The following WDFY4 variants were observed in gnomAD, a reference collection of about 807,000 sequenced individuals.
WDFY4 encodes the protein WDFY family member 4.
A neutral mutation model predicts 351.9 loss-of-function variants in WDFY4; 169 were observed. The observed-to-expected ratio is 0.48, with a 90% CI of 0.42 to 0.55. The LOEUF (loss-of-function observed/expected upper bound fraction) is 0.55. Among genes scored for constraint, WDFY4 ranks in the 20% least tolerant of loss-of-function variants. The probability of loss-of-function intolerance (pLI) is 0.00; values close to 1 mark genes in which losing one functional copy is unlikely to be tolerated. For synonymous variants in WDFY4, 1,622 were observed against 1,574.6 expected, an observed-to-expected ratio of 1.03 and a Z score of -0.71; for missense variants, 3,803 against 3,935.6, an observed-to-expected ratio of 0.97 and a Z score of 0.90.
At chr10:48,948,922 G>T (rs1226347814) in intron 51 of WDFY4, among the ~76,000 whole-genome samples, 1 of 152,240 alleles carries the variant, frequency 6.6e-6, no homozygotes, top group African/African-American at 2.4e-5. Context: ...GACCTAACAG[G>T]TGTGTTGTGA....
intron 58 of WDFY4, among the ~76,000 whole-genome samples, chr10:48,975,481 C>T (rs963282511): frequency 1.5e-4 from 23 of 152,158 alleles, no homozygotes; most frequent in African/African-American, 5.3e-4. Context: ...GAAATTTCTT[C>T]CAGACTGAAG....
At chr10:48,806,620 T>C (rs1214541441) in intron 27 of WDFY4, among the ~76,000 whole-genome samples, 3 of 152,218 alleles carry the variant, frequency 2.0e-5, no homozygotes, top group Non-Finnish European at 1.5e-5. Context: ...TGAATAGATT[T>C]GTAGTTTGTT....
rs1377354742 is a variant in WDFY4, at chr10:48,796,282, G to T, written c.4258-16G>T. ...GATGCATTCATGAGGAAACTGCTTT[G>T]TGTTAACCTTTTCAGATAATGGCGT... On this transcript the variant is annotated splice_polypyrimidine_tract_variant and intron_variant, in intron 23 of 61. Coordinates refer to ENST00000325239, the MANE Select transcript of WDFY4 (RefSeq NM_001394531.1). 5 of 1,550,494 alleles carry T rather than the reference G, an allele frequency of 3.2e-6. No individual in the cohort carries two copies. In the East Asian group the frequency reaches 1.2e-4, roughly 38 times the overall value.
chr10:48,966,619 C>A lies in WDFY4; in HGVS notation c.8530C>A (p.Gln2844Lys). 1 of 1,551,938 alleles carries A rather than the reference C, an allele frequency of 6.4e-7. No homozygotes were observed. The highest frequency in any genetic ancestry group is 1.4e-5 in the African/African-American group (1 of 73,182). The change falls in exon 55 of 62, where the codon CAG (glutamine) becomes AAG (lysine). Residue 2844 changes from glutamine to lysine, a missense_variant. By Grantham distance (53) the Gln-to-Lys change is moderately conservative. Coordinates refer to ENST00000325239, the MANE Select transcript of WDFY4 (RefSeq NM_001394531.1). Reference sequence around the variant, plus strand: ...CCCCGTGAGCCTGCCTGGCCACCCACAGCCCTTTTTCTACAGCCTGCAGTC... The same window carrying A: ...CCCCGTGAGCCTGCCTGGCCACCCAAAGCCCTTTTTCTACAGCCTGCAGTC... ...STPVSLPGHP[Q>K]PFFYSLQSLR... is the part of the protein sequence containing the mutation.
At chr10:48,831,368 T>C (rs1444487547) in intron 38 of WDFY4, among the ~76,000 whole-genome samples, 1 of 152,256 alleles carries the variant, frequency 6.6e-6, no homozygotes, top group African/African-American at 2.4e-5. Context: ...TAGTATTTGG[T>C]ACTAATAAAC....
chr10:48,923,869 G>A (rs551302953), intron 47 of WDFY4, among the ~76,000 whole-genome samples: 1 of 152,344 alleles, frequency 6.6e-6, no homozygotes, highest in Admixed American at 6.5e-5. Context: ...GCATGGCTTA[G>A]AGAGAATCCT....
chr10:48,941,297 A>T (rs3892150), intron 47 of WDFY4, among the ~76,000 whole-genome samples: 36 of 152,224 alleles, frequency 2.4e-4, no homozygotes, highest in Non-Finnish European at 5.0e-4. Flanking sequence ...AACAAAAAAA[A>T]CTATGTAGGC....
In WDFY4 at chr10:48,820,238, T is replaced by C. The variant is rs116028694; in HGVS notation, c.5510T>C (p.Val1837Ala). Reference sequence around the variant, plus strand: ...TGGGGTTCTCTTGTCTTTGAGGGGGTTGGGGCTGAGTCCACCCGGAACACC... The same window carrying C: ...TGGGGTTCTCTTGTCTTTGAGGGGGCTGGGGCTGAGTCCACCCGGAACACC... ...AAFPLGAQKGVGAESTRNTSS... is the reference protein window; with the variant it reads ...AAFPLGAQKGAGAESTRNTSS... The change falls in exon 33 of 62, where the codon GTT becomes GCT. Residue 1837 changes from valine (V) to alanine (A), a missense_variant. Val to Ala is a moderately conservative substitution (Grantham distance 64). Coordinates refer to ENST00000325239, the MANE Select transcript of WDFY4 (RefSeq NM_001394531.1). 2,383 of 1,550,794 alleles carry C rather than the reference T, an allele frequency of 1.5e-3. 34 individuals carry two copies. The African/African-American group carries it at 0.028, about 18-fold the overall frequency.
intron 23 of WDFY4, among the ~76,000 whole-genome samples, chr10:48,791,462 A>C (rs2066676889): frequency 6.6e-6 from 1 of 152,246 alleles, no homozygotes; most frequent in Non-Finnish European, 1.5e-5. Context: ...TTTGTGCGTC[A>C]GTTCCCTCAT....
At chr10:48,910,178 C>T (rs957428244) in intron 47 of WDFY4, 3 of 1,444,112 alleles carry the variant, frequency 2.1e-6, no homozygotes, top group African/African-American at 2.8e-5. Flanking sequence ...GGGGCTTCTC[C>T]TCTTCAGAGT....
intron 19 of WDFY4, among the ~76,000 whole-genome samples, chr10:48,785,770 C>T (rs1289281460): frequency 4.6e-5 from 7 of 152,080 alleles, no homozygotes; most frequent in Non-Finnish European, 1.0e-4. Flanking sequence ...GTAGTTCCTC[C>T]CCCAAATTAA....
chr10:48,947,769 C>T (rs778081798), intron 51 of WDFY4, among the ~76,000 whole-genome samples: 6 of 152,128 alleles, frequency 3.9e-5, no homozygotes, highest in Non-Finnish European at 5.9e-5. Context: ...AGCTTTTGAA[C>T]GGGGAGATAG....
chr10:48,970,774 A>C (rs1484202471), intron 57 of WDFY4, among the ~76,000 whole-genome samples: 1 of 152,188 alleles, frequency 6.6e-6, no homozygotes, highest in Non-Finnish European at 1.5e-5. Context: ...GTGAAGGAAA[A>C]ATGAGATGCA....
At position 48,959,832 on chromosome 10, in the gene WDFY4, C is replaced by T. The variant is rs1022527360; in HGVS notation, c.8223+19C>T. ...CAGAAAGGTGAGTCAGGCCAGGACC[C>T]CTGGTATCCTGCTGGGGACCTGAAC... On this transcript the variant is annotated intron_variant, in intron 53 of 61. Coordinates refer to ENST00000325239, the MANE Select transcript of WDFY4 (RefSeq NM_001394531.1). 6.5e-7 allele frequency: 1 copy of T among 1,537,710 alleles called. No homozygotes were observed. The highest frequency in any genetic ancestry group is 8.8e-7 in the Non-Finnish European group (1 of 1,138,572).
intron 19 of WDFY4, among the ~76,000 whole-genome samples, chr10:48,784,058 A>G (rs931238937): frequency 2.0e-5 from 3 of 152,202 alleles, no homozygotes; most frequent in African/African-American, 4.8e-5. Flanking sequence ...ATTTCAAGGT[A>G]TGGATGTGCC....
At chr10:48,770,704 G>A (rs2065837000) in intron 13 of WDFY4, among the ~76,000 whole-genome samples, 1 of 152,240 alleles carries the variant, frequency 6.6e-6, no homozygotes, top group South Asian at 2.1e-4. Flanking sequence ...ATGGGGAAGA[G>A]TGAAAGTGAT....
At chr10:48,953,705 T>G (rs1431545752) in intron 51 of WDFY4, among the ~76,000 whole-genome samples, 1 of 152,240 alleles carries the variant, frequency 6.6e-6, no homozygotes, top group Non-Finnish European at 1.5e-5. Context: ...AGCAGGTTGA[T>G]TTGGATCAGT....
At chr10:48,738,487 G>A in intron 11 of WDFY4, among the ~76,000 whole-genome samples, 1 of 152,222 alleles carries the variant, frequency 6.6e-6, no homozygotes, top group Non-Finnish European at 1.5e-5. Context: ...TGGGTGCCAA[G>A]TCACTGCTGG....
intron 24 of WDFY4, among the ~76,000 whole-genome samples, chr10:48,799,386 T>C (rs1449527479): frequency 6.8e-6 from 1 of 147,092 alleles, no homozygotes; most frequent in Non-Finnish European, 1.5e-5. Flanking sequence ...CTACACCAAG[T>C]AAAGTGAGGT....
Sources: gnomAD v4.1 joint callset for allele counts (sites outside exome capture counted in the v4.1 genomes callset) on GRCh38, gnomAD v4.1.1 for gene constraint, MANE v1.5 for transcripts, NCBI Gene and HGNC (gene_info 2026-07-23, HGNC 2026-07-21) for gene names.